The following CDR2 variants were observed in gnomAD, a reference collection of about 807,000 sequenced individuals.
CDR2 encodes the protein cerebellar degeneration-related protein 2.
In CDR2, 34 loss-of-function variants were observed where a neutral mutation model predicts 48.4. That is an observed-to-expected ratio of 0.70 (90% CI 0.53 to 0.94). CDR2 has a LOEUF of 0.94. Ranked by LOEUF, CDR2 falls within the 40% of genes least tolerant of loss-of-function variation. The probability of loss-of-function intolerance (pLI) is 0.00; values close to 1 mark genes in which losing one functional copy is unlikely to be tolerated. For synonymous variants in CDR2, 240 were observed against 219.7 expected (o/e 1.09, Z -0.82); for missense variants, 498 against 549.5 (o/e 0.91, Z 0.94).
chr16:22,359,733 A>G (rs1257494615), intron 2 of CDR2, among the ~76,000 whole-genome samples: 1 of 152,206 alleles, frequency 6.6e-6, no homozygotes, highest in Non-Finnish European at 1.5e-5. Context: ...CAGAGGCCAG[A>G]GCCCCTTCTG....
intron 1 of CDR2, among the ~76,000 whole-genome samples, chr16:22,373,010 A>C (rs181421122): frequency 9.2e-5 from 14 of 152,322 alleles, no homozygotes; most frequent in African/African-American, 3.4e-4. Context: ...GCCTGGAAAA[A>C]TTCCTGAGGA....
intron 2 of CDR2, among the ~76,000 whole-genome samples, chr16:22,356,940 CA>C (rs1047380020): frequency 8.0e-4 from 23 of 28,874 alleles, no homozygotes; most frequent in Non-Finnish European, 8.6e-4. Flanking sequence ...GACTCCATCT[CA>C]AAAAAAAAAA....
At chr16:22,369,287 G>GAAAA (rs71312635) in intron 1 of CDR2, among the ~76,000 whole-genome samples, 4 of 132,756 alleles carry the variant, frequency 3.0e-5, no homozygotes, top group African/African-American at 1.3e-4. Flanking sequence ...CTCTTAGCAG[G>GAAAA]AAAAAAAAAA....
At chr16:22,370,868 G>A (rs768979558) in intron 1 of CDR2, among the ~76,000 whole-genome samples, 43 of 152,278 alleles carry the variant, frequency 2.8e-4, no homozygotes, top group Non-Finnish European at 7.4e-5. Context: ...GCTTACTACT[G>A]CTAAAGGAAA....
chr16:22,353,863 G>T (rs1005871664), intron 2 of CDR2, among the ~76,000 whole-genome samples: 1 of 152,130 alleles, frequency 6.6e-6, no homozygotes, highest in Non-Finnish European at 1.5e-5. Flanking sequence ...TTGTTAATCT[G>T]TCTTTTGTTG....
At chr16:22,361,718 A>G (rs2049011382) in intron 2 of CDR2, among the ~76,000 whole-genome samples, 3 of 152,164 alleles carry the variant, frequency 2.0e-5, no homozygotes, top group Non-Finnish European at 4.4e-5. Flanking sequence ...GAAGAAACCT[A>G]AGAGAGTAAT....
intron 1 of CDR2, 68 bp downstream of exon 1, chr16:22,374,163 T>C: frequency 9.4e-7 from 1 of 1,059,126 alleles, no homozygotes; most frequent in South Asian, 1.3e-5. Flanking sequence ...AGCAACTTTT[T>C]AACAGTTTCG....
At position 22,346,907 on chromosome 16, in the gene CDR2, G is replaced by A; in HGVS notation, c.*58C>T. 2 of 1,542,384 alleles carry A rather than the reference G, an allele frequency of 1.3e-6. No homozygotes were observed. Among genetic ancestry groups the A allele is most frequent in the Admixed American group, 1.8e-5 (1 of 56,766 alleles). ...CTTCAGAGTCTACAAACACTTGTCT[G>A]AATGGGAGAGAGAGGCGATAGGCAA... is the stretch of plus-strand genomic sequence containing the variant. On this transcript the variant is annotated 3_prime_UTR_variant, in exon 5 of 5. Transcript: ENST00000268383.
chr16:22,362,666 G>A (rs1463526226), intron 2 of CDR2, among the ~76,000 whole-genome samples: 1 of 152,190 alleles, frequency 6.6e-6, no homozygotes, highest in Non-Finnish European at 1.5e-5. Flanking sequence ...GGACTATTCT[G>A]AAATCTCCCA....
At chr16:22,349,507 G>A in intron 3 of CDR2, 64 bp from the exon 4 acceptor site, 2 of 1,578,844 alleles carry the variant, frequency 1.3e-6, no homozygotes, top group South Asian at 1.1e-5. Context: ...AAGCGGTGAG[G>A]AGAGATTAGG....
intron 1 of CDR2, chr16:22,365,248 A>T: frequency 2.5e-6 from 1 of 402,052 alleles, no homozygotes; most frequent in Middle Eastern, 6.8e-4. Context: ...CATCTACTTT[A>T]TGGAGATGCA....
intron 2 of CDR2, among the ~76,000 whole-genome samples, chr16:22,361,439 GCT>G (rs2141849737): frequency 6.6e-6 from 1 of 152,310 alleles, no homozygotes; most frequent in Admixed American, 6.5e-5. Context: ...AAGGAAGTAG[GCT>G]CTTTAGCTGC....
At chr16:22,358,117 C>A (rs2048987596) in intron 2 of CDR2, among the ~76,000 whole-genome samples, 1 of 152,142 alleles carries the variant, frequency 6.6e-6, no homozygotes, top group Non-Finnish European at 1.5e-5. Flanking sequence ...GGCCAGACAT[C>A]TAGGTCTATG....
At chr16:22,354,748 G>A (rs1023770327) in intron 2 of CDR2, among the ~76,000 whole-genome samples, 3 of 151,084 alleles carry the variant, frequency 2.0e-5, no homozygotes, top group African/African-American at 7.3e-5. Flanking sequence ...AAAAAAATTA[G>A]TTAGGCATGG....
Position 22,347,411 on chromosome 16 carries a change from T to A in CDR2, c.919A>T (p.Lys307Ter). ...TVPESHRKPL[K>*]RSSSETILSS... ...AGGATCGTCTCACTGCTGCTGCGCTTGAGAGGCTTTCTATGTGATTCCGGC... is the reference window on the plus strand; with the variant it reads ...AGGATCGTCTCACTGCTGCTGCGCTAGAGAGGCTTTCTATGTGATTCCGGC... Residue 307 changes from lysine (K) to a stop codon, truncating the protein, a stop_gained, in exon 5 of 5, where the codon AAG becomes TAG. Coordinates refer to ENST00000268383, the MANE Select transcript of CDR2 (RefSeq NM_001802.2). LOFTEE classifies it high-confidence loss of function. 6.2e-7 allele frequency: 1 copy of A among 1,613,848 alleles called. No homozygotes were observed. Among genetic ancestry groups the A allele is most frequent in the Non-Finnish European group, 8.5e-7 (1 of 1,179,728 alleles).
rs1270334335 is a variant in CDR2, at chr16:22,347,015, C to G, written c.1315G>C (p.Glu439Gln). ...TATTTTGTTCTCTGTTCATCTATTT[C>G]CTGCTTAGTTTTCTTGATGCAACTA... ...IFSCIKKTKQ[E>Q]IDEQRTKYRS... The change falls in exon 5 of 5, where the codon GAA (glutamate) becomes CAA (glutamine). Residue 439 changes from glutamate to glutamine, a missense_variant. Coordinates refer to ENST00000268383, the MANE Select transcript of CDR2 (RefSeq NM_001802.2). 2.5e-6 allele frequency: 4 copies of G among 1,614,038 alleles called. No homozygotes were observed. The African/African-American group carries it at 4.0e-5, about 16-fold the overall frequency.
At chr16:22,352,735 G>C (rs750079797) in intron 2 of CDR2, among the ~76,000 whole-genome samples, 7 of 152,182 alleles carry the variant, frequency 4.6e-5, no homozygotes, top group Non-Finnish European at 1.0e-4. Flanking sequence ...GAATTAGTAA[G>C]TGGATCTGTT....
At chr16:22,353,479 G>C (rs1367237784) in intron 2 of CDR2, among the ~76,000 whole-genome samples, 1 of 152,186 alleles carries the variant, frequency 6.6e-6, no homozygotes, top group Non-Finnish European at 1.5e-5. Context: ...GTGTGTGGGA[G>C]AGACTGGACT....
At chr16:22,372,922 T>C (rs929063457) in intron 1 of CDR2, among the ~76,000 whole-genome samples, 2 of 152,242 alleles carry the variant, frequency 1.3e-5, no homozygotes, top group East Asian at 3.8e-4. Flanking sequence ...TCATTTAATA[T>C]TCAACTAAAT....
Sources: gnomAD v4.1 joint callset for allele counts (sites outside exome capture counted in the v4.1 genomes callset) on GRCh38, gnomAD v4.1.1 for gene constraint, MANE v1.5 for transcripts, NCBI Gene and HGNC (gene_info 2026-07-23, HGNC 2026-07-21) for gene names.